The following KCNS2 variants were observed in gnomAD, a reference collection of about 807,000 sequenced individuals.
The protein encoded by KCNS2 is delayed-rectifier potassium channel regulatory subunit KCNS2.
In KCNS2, 15 loss-of-function variants were observed where a neutral mutation model predicts 28.3. That is an observed-to-expected ratio of 0.53 (90% CI 0.35 to 0.82). KCNS2 has a LOEUF of 0.82. KCNS2 is among the 40% of genes least tolerant of loss of function. The pLI is 0.01. For missense variants in KCNS2, 501 were observed against 617.1 expected, an observed-to-expected ratio of 0.81 and a Z score of 1.99; for synonymous variants, 254 against 256.7, an observed-to-expected ratio of 0.99 and a Z score of 0.10.
rs1308589032 is a variant in KCNS2, at chr8:98,428,488, G to T, written c.509G>T (p.Arg170Leu). The change falls in exon 2 of 2, where the codon CGC becomes CTC. Residue 170 changes from arginine (R) to leucine (L), a missense_variant. Physicochemically the swap from Arg to Leu is moderately radical, Grantham distance 102. Coordinates refer to ENST00000287042, the MANE Select transcript of KCNS2 (RefSeq NM_020697.4). This position sits in a 1 kb window ranked among gnomAD's most constrained non-coding sequence, Gnocchi z 6.7. ...KFDGQPLGNF[R>L]RQLWLALDNP... Reference sequence around the variant, plus strand: ...GATGGGCAGCCCCTCGGCAACTTCCGCAGGCAGCTGTGGCTGGCGCTGGAC... The same window carrying T: ...GATGGGCAGCCCCTCGGCAACTTCCTCAGGCAGCTGTGGCTGGCGCTGGAC... 7.4e-6 allele frequency: 12 copies of T among 1,614,054 alleles called. No individual in the cohort carries two copies. The highest frequency in any genetic ancestry group is 6.8e-6 in the Non-Finnish European group (8 of 1,180,024).
At chr8:98,427,791 G>A (rs1298148575) in intron 1 of KCNS2, 147 bp from the exon 2 acceptor site, 3 of 579,576 alleles carry the variant, frequency 5.2e-6, no homozygotes, top group Admixed American at 3.1e-5. Context: ...CCTGGGAGGG[G>A]ATCAGACCCC....
rs772164326 is a variant in KCNS2, at chr8:98,429,443, A to G, written c.*30A>G. 4 of 1,488,444 alleles carry G rather than the reference A, an allele frequency of 2.7e-6. No individual in the cohort carries two copies. The highest frequency in any genetic ancestry group is 1.2e-5 in the South Asian group (1 of 83,322). The allele number at this position is 1,488,444 out of a possible 1,614,324, so 92.2% of individuals were successfully genotyped here. A position where few individuals can be genotyped will look rare whatever the true frequency, so the allele number is the denominator to read the frequency against. ...GAGGACTTGTCACCCTCCACCCCAC[A>G]TTGCTGAGCTGCCTCTTGTGCCTCT... On this transcript the variant is annotated 3_prime_UTR_variant, in exon 2 of 2. Transcript: ENST00000287042.
Position 98,429,139 on chromosome 8 carries a change from G to C in KCNS2, c.1160G>C (p.Gly387Ala). 1 of 1,613,308 alleles carries C rather than the reference G, an allele frequency of 6.2e-7. No homozygotes were observed. The highest frequency in any genetic ancestry group is 8.5e-7 in the Non-Finnish European group (1 of 1,179,366). ...GATGTGGTCCCAGGGACCACGGCAG[G>C]AAAGCTGACTGCCTCTGCCTGCATC... ...YGDVVPGTTA[G>A]KLTASACILA... Residue 387 changes from glycine to alanine, a missense_variant, in exon 2 of 2, where the codon GGA becomes GCA. Transcript: ENST00000287042.
Position 98,429,246 on chromosome 8 carries a change from C to T in KCNS2, c.1267C>T (p.Leu423Phe), listed in dbSNP as rs773134157. Residue 423 changes from leucine (L) to phenylalanine (F), a missense_variant, in exon 2 of 2, where the codon CTT (leucine) becomes TTT (phenylalanine). Transcript: ENST00000287042. ...FSHFYRRQKQ[L>F]ESAMRSCDFG... Reference sequence around the variant, plus strand: ...CCACTTTTACCGGCGCCAAAAGCAACTTGAGAGTGCCATGCGCAGCTGTGA... The same window carrying T: ...CCACTTTTACCGGCGCCAAAAGCAATTTGAGAGTGCCATGCGCAGCTGTGA... The T allele has an allele frequency of 1.5e-5, 24 of 1,614,076 alleles. No individual in the cohort carries two copies. The South Asian group carries it at 2.6e-4, about 18-fold the overall frequency.
rs1044392621 is a variant in KCNS2, at chr8:98,431,411, G to A, written c.*1998G>A. 6.0e-6 allele frequency: 1 copy of A among 167,116 alleles called. No individual in the cohort carries two copies. The highest frequency in any genetic ancestry group is 1.5e-5 in the Non-Finnish European group (1 of 68,148). 10.4% of individuals were successfully genotyped at this position (167,116 alleles called of 1,614,324 possible). A position where few individuals can be genotyped will look rare whatever the true frequency, so the allele number is the denominator to read the frequency against. On this transcript the variant is annotated 3_prime_UTR_variant, in exon 2 of 2. Coordinates refer to ENST00000287042, the MANE Select transcript of KCNS2 (RefSeq NM_020697.4). Reference sequence around the variant, plus strand: ...GAGGCAACTGGGCACTGAATCAGAGGAGCAGAGTTATTTTTCAGAATTTGC... The same window carrying A: ...GAGGCAACTGGGCACTGAATCAGAGAAGCAGAGTTATTTTTCAGAATTTGC...
At position 98,429,436 on chromosome 8, in the gene KCNS2, A is replaced by G. The variant is rs754078070; in HGVS notation, c.*23A>G. On this transcript the variant is annotated 3_prime_UTR_variant, in exon 2 of 2. Transcript: ENST00000287042. ...TAGCCGGGAGGACTTGTCACCCTCC[A>G]CCCCACATTGCTGAGCTGCCTCTTG... is the stretch of plus-strand genomic sequence containing the variant. 5 of 1,533,898 alleles carry G rather than the reference A, an allele frequency of 3.3e-6. No individual in the cohort carries two copies. The highest frequency in any genetic ancestry group is 4.5e-6 in the Non-Finnish European group (5 of 1,115,372).
Position 98,432,176 on chromosome 8 carries a change from G to T in KCNS2, c.*2763G>T, listed in dbSNP as rs928401207. On this transcript the variant is annotated 3_prime_UTR_variant, in exon 2 of 2. Transcript: ENST00000287042. ...TAGTCCCTGAAGCTAACCAGGGAGA[G>T]TCAGGTTAATTTTCTGTAAAAATAT... The T allele has an allele frequency of 1.2e-5, 2 of 166,990 alleles. No homozygotes were observed. The highest frequency in any genetic ancestry group is 4.8e-5 in the African/African-American group (2 of 41,466). The allele number at this position is 166,990 out of a possible 1,614,324, so 10.3% of individuals were successfully genotyped here. A position where few individuals can be genotyped will look rare whatever the true frequency, so the allele number is the denominator to read the frequency against.
chr8:98,429,045 G>A lies in KCNS2; in HGVS notation c.1066G>A (p.Glu356Lys), dbSNP rs769042324. 1.2e-6 allele frequency: 2 copies of A among 1,613,348 alleles called. No individual in the cohort carries two copies. Among genetic ancestry groups the A allele is most frequent in the Non-Finnish European group, 1.7e-6 (2 of 1,179,430 alleles). Reference protein sequence around the residue: ...VAYTIEKEENEGLATIPACWW... With the variant: ...VAYTIEKEENKGLATIPACWW... ...CTACACCATTGAAAAGGAGGAGAACGAGGGCCTGGCCACCATCCCTGCCTG... is the reference window on the plus strand; with the variant it reads ...CTACACCATTGAAAAGGAGGAGAACAAGGGCCTGGCCACCATCCCTGCCTG... The change falls in exon 2 of 2, where the codon GAG becomes AAG. Residue 356 changes from glutamate to lysine, a missense_variant. Physicochemically the swap from Glu to Lys is moderately conservative, Grantham distance 56. Transcript: ENST00000287042.
chr8:98,429,066 G>A lies in KCNS2; in HGVS notation c.1087G>A (p.Ala363Thr), dbSNP rs1818291386. Residue 363 changes from alanine (A) to threonine (T), a missense_variant, in exon 2 of 2, where the codon GCC becomes ACC. Transcript: ENST00000287042. The stretch of plus-strand genomic sequence containing the variant: ...GAACGAGGGCCTGGCCACCATCCCT[G>A]CCTGCTGGTGGTGGGCTACCGTCAG... ...EENEGLATIPACWWWATVSMT... is the reference protein window; with the variant it reads ...EENEGLATIPTCWWWATVSMT... The A allele has an allele frequency of 4.3e-6, 7 of 1,613,176 alleles. No homozygotes were observed. The highest frequency in any genetic ancestry group is 5.1e-6 in the Non-Finnish European group (6 of 1,179,260).
In KCNS2 at chr8:98,428,130, T is replaced by C; in HGVS notation, c.151T>C (p.Ser51Pro). Reference sequence around the variant, plus strand: ...CCTGGGCCGCTTGCTGCTCTGCCACTCGCGCGAGGCCATTCTGGAGCTCTG... The same window carrying C: ...CCTGGGCCGCTTGCTGCTCTGCCACCCGCGCGAGGCCATTCTGGAGCTCTG... ...TRLGRLLLCHSREAILELCDD... is the reference protein window; with the variant it reads ...TRLGRLLLCHPREAILELCDD... The change falls in exon 2 of 2, where the codon TCG (serine) becomes CCG (proline). Residue 51 changes from serine to proline, a missense_variant. Coordinates refer to ENST00000287042, the MANE Select transcript of KCNS2 (RefSeq NM_020697.4). The surrounding 1 kb of genome is among the most constrained non-coding windows in gnomAD (Gnocchi z 6.7). 1.2e-6 allele frequency: 2 copies of C among 1,613,850 alleles called. No individual in the cohort carries two copies. Among genetic ancestry groups the C allele is most frequent in the Non-Finnish European group, 1.7e-6 (2 of 1,179,988 alleles).
Position 98,426,967 on chromosome 8 carries a change from C to CGCGCCCCGCGCAGGGCGG in KCNS2, c.-396_-379dup, listed in dbSNP as rs1251641054. On this transcript the variant is annotated 5_prime_UTR_variant, in exon 1 of 2. Transcript: ENST00000287042. ...AGCTGTCCGTTCAGCACCACCGCGC[C>CGCGCCCCGCGCAGGGCGG]GCGCCCCGCGCAGGGCGGGCGCCCC... 1.3e-5 allele frequency: 2 copies of CGCGCCCCGCGCAGGGCGG among 150,812 alleles called. No individual in the cohort carries two copies. Among genetic ancestry groups the CGCGCCCCGCGCAGGGCGG allele is most frequent in the Non-Finnish European group, 3.0e-5 (2 of 67,512 alleles). 9.3% of individuals were successfully genotyped at this position (150,812 alleles called of 1,614,324 possible). A position where few individuals can be genotyped will look rare whatever the true frequency, so the allele number is the denominator to read the frequency against.
rs1306699315 is a variant in KCNS2 at position 98,427,163 on chromosome 8, C to G, written c.-209C>G. Reference sequence around the variant, plus strand: ...CTGCGGGCGGCGGCGGCGTACCCGGCCCGAGACGGGAGGAGACGCTCGGCG... The same window carrying G: ...CTGCGGGCGGCGGCGGCGTACCCGGGCCGAGACGGGAGGAGACGCTCGGCG... On this transcript the variant is annotated 5_prime_UTR_variant, in exon 1 of 2. Coordinates refer to ENST00000287042, the MANE Select transcript of KCNS2 (RefSeq NM_020697.4). The G allele has an allele frequency of 6.7e-6, 1 of 150,348 alleles. No individual in the cohort carries two copies. The highest frequency in any genetic ancestry group is 1.5e-5 in the Non-Finnish European group (1 of 67,270). The allele number at this position is 150,348 out of a possible 1,614,324, so 9.3% of individuals were successfully genotyped here. A position where few individuals can be genotyped will look rare whatever the true frequency, so the allele number is the denominator to read the frequency against.
chr8:98,428,048 G>A lies in KCNS2; in HGVS notation c.69G>A (p.Val23=), dbSNP rs750015651. The change falls in exon 2 of 2, where the codon GTG becomes GTA. Residue 23 remains valine, a synonymous_variant. Transcript: ENST00000287042. This position sits in a 1 kb window ranked among gnomAD's most constrained non-coding sequence, Gnocchi z 6.7. ...NVEDGEIRIN[V]GGFKRRLRSH... ...AGGACGGGGAGATCCGCATCAATGTGGGCGGCTTCAAGAGGAGGCTGCGCT... is the reference window on the plus strand; with the variant it reads ...AGGACGGGGAGATCCGCATCAATGTAGGCGGCTTCAAGAGGAGGCTGCGCT... The A allele has an allele frequency of 6.2e-7, 1 of 1,611,874 alleles. No homozygotes were observed. Among genetic ancestry groups the A allele is most frequent in the Non-Finnish European group, 8.5e-7 (1 of 1,178,876 alleles).
chr8:98,427,209 CGGGCGCA>C lies in KCNS2; in HGVS notation c.-162_-156del, dbSNP rs1480195739. On this transcript the variant is annotated 5_prime_UTR_variant, in exon 1 of 2. An upstream open reading frame in the 5' UTR gains an earlier in-frame stop. Transcript: ENST00000287042. ...CGGCGGCCCCCGCCCGCCGGCCCGC[CGGGCGCA>C]CACACTCGCACCCGCGCACGCACCG... is the stretch of plus-strand genomic sequence containing the variant. 1 of 150,660 alleles carries C rather than the reference CGGGCGCA, an allele frequency of 6.6e-6. No homozygotes were observed. The highest frequency in any genetic ancestry group is 1.5e-5 in the Non-Finnish European group (1 of 67,516). The allele number at this position is 150,660 out of a possible 1,614,324, so 9.3% of individuals were successfully genotyped here. A position where few individuals can be genotyped will look rare whatever the true frequency, so the allele number is the denominator to read the frequency against.
At position 98,429,821 on chromosome 8, in the gene KCNS2, G is replaced by A. The variant is rs552900838; in HGVS notation, c.*408G>A. 5.6e-5 allele frequency: 10 copies of A among 179,638 alleles called. No homozygotes were observed. The highest frequency in any genetic ancestry group is 9.6e-5 in the African/African-American group (4 of 41,882). The allele number at this position is 179,638 out of a possible 1,614,324, so 11.1% of individuals were successfully genotyped here. ...TCTGTACAAAAAGCCCCCACAAGTC[G>A]TCCAGTAGAAATGCATCTATGAGGT... On this transcript the variant is annotated 3_prime_UTR_variant, in exon 2 of 2. Coordinates refer to ENST00000287042, the MANE Select transcript of KCNS2 (RefSeq NM_020697.4).
chr8:98,428,538 A>T lies in KCNS2; in HGVS notation c.559A>T (p.Arg187Trp). The T allele has an allele frequency of 6.2e-7, 1 of 1,614,176 alleles. No homozygotes were observed. Among genetic ancestry groups the T allele is most frequent in the Non-Finnish European group, 8.5e-7 (1 of 1,180,018 alleles). The change falls in exon 2 of 2, where the codon AGG (arginine) becomes TGG (tryptophan). Residue 187 changes from arginine (R) to tryptophan (W), a missense_variant. Arg to Trp is a moderately radical substitution (Grantham distance 101, BLOSUM62 -3). Transcript: ENST00000287042. This position sits in a 1 kb window ranked among gnomAD's most constrained non-coding sequence, Gnocchi z 6.7. ...LDNPGYSVLS[R>W]VFSILSILVV... The stretch of plus-strand genomic sequence containing the variant: ...CAACCCCGGCTACTCAGTGCTGAGC[A>T]GGGTCTTCAGCATCCTGTCCATCCT...
chr8:98,428,945 G>A lies in KCNS2; in HGVS notation c.966G>A (p.Leu322=). 1 of 1,614,088 alleles carries A rather than the reference G, an allele frequency of 6.2e-7. No homozygotes were observed. The highest frequency in any genetic ancestry group is 8.5e-7 in the Non-Finnish European group (1 of 1,180,020). ...GCCTCCGCTCCCTGGGGGCCACTTT[G>A]AAATACAGCTACAAAGAAGTAGGGC... ...STGLRSLGAT[L]KYSYKEVGLL... The change falls in exon 2 of 2, where the codon TTG becomes TTA. Residue 322 remains leucine, a synonymous_variant. Coordinates refer to ENST00000287042, the MANE Select transcript of KCNS2 (RefSeq NM_020697.4). The surrounding 1 kb of genome is among the most constrained non-coding windows in gnomAD (Gnocchi z 6.7).
In KCNS2 at chr8:98,431,164, G is replaced by C. The variant is rs529144795; in HGVS notation, c.*1751G>C. The C allele has an allele frequency of 1.1e-4, 18 of 167,228 alleles. No individual in the cohort carries two copies. 10.4% of individuals were successfully genotyped at this position (167,228 alleles called of 1,614,324 possible). A position where few individuals can be genotyped will look rare whatever the true frequency, so the allele number is the denominator to read the frequency against. On this transcript the variant is annotated 3_prime_UTR_variant, in exon 2 of 2. Transcript: ENST00000287042. ...ATTGAAGATGATACTTACCTCATTG[G>C]AGGTGTGGCAAGGATCTTATCAGAA... is the stretch of plus-strand genomic sequence containing the variant.
Position 98,429,018 on chromosome 8 carries a change from G to A in KCNS2, c.1039G>A (p.Ala347Thr), listed in dbSNP as rs1472287991. The A allele has an allele frequency of 1.9e-6, 3 of 1,613,924 alleles. No homozygotes were observed. The highest frequency in any genetic ancestry group is 1.7e-6 in the Non-Finnish European group (2 of 1,179,886). Reference protein sequence around the residue: ...SVGISIFSVVAYTIEKEENEG... With the variant: ...SVGISIFSVVTYTIEKEENEG... ...GGGGATTTCCATCTTCTCCGTGGTG[G>A]CCTACACCATTGAAAAGGAGGAGAA... Residue 347 changes from alanine (A) to threonine (T), a missense_variant, in exon 2 of 2, where the codon GCC becomes ACC. Transcript: ENST00000287042.
Sources: gnomAD v4.1 joint callset for allele counts on GRCh38, gnomAD v4.1.1 for gene constraint, Gnocchi (gnomAD v3.1) non-coding constraint, MANE v1.5 for transcripts, NCBI Gene and HGNC (gene_info 2026-07-23, HGNC 2026-07-21) for gene names.